Variants in MYO1E observed in about 807,000 individuals in gnomAD.
MYO1E encodes the protein unconventional myosin-Ie.
In MYO1E, 68 loss-of-function variants were observed where a neutral mutation model predicts 151.1. The observed-to-expected ratio is 0.45, with a 90% CI of 0.37 to 0.55. The LOEUF is 0.55. MYO1E is among the 20% of genes least tolerant of loss of function. The pLI is 0.00. For synonymous variants in MYO1E, 601 were observed against 501.7 expected, an observed-to-expected ratio of 1.20 and a Z score of -2.64; for missense variants, 1,363 against 1,389.3, an observed-to-expected ratio of 0.98 and a Z score of 0.30.
At chr15:59,216,666 G>GTGTATATA (rs777094542) in intron 10 of MYO1E, among the ~76,000 whole-genome samples, 2 of 30,884 alleles carry the variant, frequency 6.5e-5, no homozygotes, top group Non-Finnish European at 1.4e-4. Flanking sequence ...GTGTGTATGT[G>GTGTATATA]TATATATATA....
chr15:59,207,197 T>C (rs747153483), intron 14 of MYO1E: 1 of 1,614,224 alleles, frequency 6.2e-7, no homozygotes, highest in South Asian at 1.1e-5. Flanking sequence ...GCCTGCGCTA[T>C]CAGCATCTTA....
intron 22 of MYO1E, among the ~76,000 whole-genome samples, chr15:59,167,857 T>G (rs1338437913): frequency 6.6e-6 from 1 of 152,048 alleles, no homozygotes; most frequent in Non-Finnish European, 1.5e-5. Flanking sequence ...TTTTGTATTT[T>G]TAGTAGAGAG....
chr15:59,279,027 G>T lies in MYO1E; in HGVS notation c.4-6578C>A, dbSNP rs188458896. Among the ~76,000 whole-genome samples, 4 of 152,246 alleles carry T rather than the reference G, an allele frequency of 2.6e-5. No individual in the cohort carries two copies. In the East Asian group the frequency reaches 7.7e-4, roughly 29 times the overall value. ...GGAATACTCAATGAATATGGAGTAT[G>T]TGCTTATTCATAAAGTTTCATCCAT... is the stretch of plus-strand genomic sequence containing the variant. On this transcript the variant is annotated intron_variant, in intron 1 of 27. Coordinates refer to ENST00000288235, the MANE Select transcript of MYO1E (RefSeq NM_004998.4).
rs143607276 is a variant in MYO1E at position 59,253,602 on chromosome 15, C to G, written c.332+2682G>C. On this transcript the variant is annotated intron_variant, in intron 4 of 27. Coordinates refer to ENST00000288235, the MANE Select transcript of MYO1E (RefSeq NM_004998.4). ...GTTCAAGCGATTTCCCTGCCTCAGC[C>G]TCCCAAGTAGCTGGGACTACAGGCA... 8.6e-3 allele frequency among the ~76,000 whole-genome samples: 1,300 copies of G among 151,916 alleles called. 12 individuals carry two copies. Among genetic ancestry groups the G allele is most frequent in the Non-Finnish European group, 0.013 (896 of 67,968 alleles).
At chr15:59,216,207 G>A (rs553331901) in intron 10 of MYO1E, among the ~76,000 whole-genome samples, 3 of 152,024 alleles carry the variant, frequency 2.0e-5, no homozygotes, top group East Asian at 1.9e-4. Context: ...ATATATAAAC[G>A]TCAAAGAAAC....
At position 59,214,316 on chromosome 15, in the gene MYO1E, T is replaced by C; in HGVS notation, c.1189-2A>G. The C allele has an allele frequency of 6.2e-7, 1 of 1,603,384 alleles. No individual in the cohort carries two copies. Among genetic ancestry groups the C allele is most frequent in the Non-Finnish European group, 8.5e-7 (1 of 1,172,876 alleles). ...ACAAAACTGTTCAAAGCCATTTTTCTGGAAAAAAAAAGTTATTCACATGTA... is the reference window on the plus strand; with the variant it reads ...ACAAAACTGTTCAAAGCCATTTTTCCGGAAAAAAAAAGTTATTCACATGTA... On this transcript the variant is annotated splice_acceptor_variant, in intron 11 of 27. Coordinates refer to ENST00000288235, the MANE Select transcript of MYO1E (RefSeq NM_004998.4). LOFTEE classifies it high-confidence loss of function.
intron 5 of MYO1E, among the ~76,000 whole-genome samples, chr15:59,232,146 G>T (rs1489614544): frequency 6.6e-6 from 1 of 152,120 alleles, no homozygotes; most frequent in Admixed American, 6.6e-5. Flanking sequence ...TCTGGCCAGG[G>T]TCTTTCTTCT....
intron 4 of MYO1E, among the ~76,000 whole-genome samples, chr15:59,246,104 T>A (rs1350457768): frequency 6.6e-6 from 1 of 152,150 alleles, no homozygotes; most frequent in Non-Finnish European, 1.5e-5. Flanking sequence ...TTTTTTTAAA[T>A]TTTTTAAATT....
intron 14 of MYO1E, chr15:59,208,109 G>A (rs753272927): frequency 4.5e-5 from 69 of 1,536,916 alleles, no homozygotes; most frequent in Admixed American, 6.7e-5. Flanking sequence ...CTACCATTCC[G>A]AAATTATTGA....
intron 22 of MYO1E, among the ~76,000 whole-genome samples, chr15:59,170,306 C>T (rs1318517981): frequency 2.0e-5 from 3 of 152,206 alleles, no homozygotes; most frequent in Admixed American, 2.0e-4. Context: ...AAGTCACTCT[C>T]GGCACAGCGA....
At position 59,174,580 on chromosome 15, in the gene MYO1E, G is replaced by A. The variant is rs1979552; in HGVS notation, c.2050-340C>T. ...TATTCCCCACCTTGATCCAAAGAGT[G>A]TATTATTAGGAAGTCAGATCAAGTG... On this transcript the variant is annotated intron_variant, in intron 19 of 27. Coordinates refer to ENST00000288235, the MANE Select transcript of MYO1E (RefSeq NM_004998.4). 0.96 allele frequency among the ~76,000 whole-genome samples: 146,712 copies of A among 152,206 alleles called. 70,771 individuals are homozygous for A. The highest frequency in any genetic ancestry group is 0.99 in the South Asian group (4,780 of 4,810).
At chr15:59,258,911 A>C (rs1218805392) in intron 3 of MYO1E, among the ~76,000 whole-genome samples, 2 of 151,300 alleles carry the variant, frequency 1.3e-5, no homozygotes, top group African/African-American at 4.8e-5. Context: ...ATATGTAAGG[A>C]GGCAGCTTTA....
At chr15:59,215,802 G>A (rs1433583925) in intron 10 of MYO1E, among the ~76,000 whole-genome samples, 1 of 152,106 alleles carries the variant, frequency 6.6e-6, no homozygotes, top group Non-Finnish European at 1.5e-5. Flanking sequence ...CAGGTAGAAA[G>A]GTAGGTAGGA....
At chr15:59,151,060 C>T (rs535615645) in intron 26 of MYO1E, among the ~76,000 whole-genome samples, 4,090 of 147,514 alleles carry the variant, frequency 0.028, 127 homozygotes, top group African/African-American at 0.062. Flanking sequence ...CGCGCGCGCG[C>T]GCACGTGCAC....
chr15:59,238,448 T>C (rs547749885), intron 4 of MYO1E, among the ~76,000 whole-genome samples: 1 of 152,298 alleles, frequency 6.6e-6, no homozygotes, highest in African/African-American at 2.4e-5. Context: ...GCAGCCTAAG[T>C]TAAGTGGTAA....
At chr15:59,363,178 C>T (rs1299340241) in intron 1 of MYO1E, among the ~76,000 whole-genome samples, 1 of 152,056 alleles carries the variant, frequency 6.6e-6, no homozygotes, top group Non-Finnish European at 1.5e-5. Flanking sequence ...GGGGTTTCAC[C>T]ATGTTAGCCA....
chr15:59,202,834 C>A (rs748222797), intron 15 of MYO1E, among the ~76,000 whole-genome samples: 8 of 152,110 alleles, frequency 5.3e-5, no homozygotes, highest in Non-Finnish European at 8.8e-5. Flanking sequence ...CTCGACCTCC[C>A]AGACTCAAGC....
intron 1 of MYO1E, among the ~76,000 whole-genome samples, chr15:59,367,322 C>T (rs1203162101): frequency 2.0e-5 from 3 of 151,992 alleles, no homozygotes; most frequent in Non-Finnish European, 4.4e-5. Flanking sequence ...TGCTCATTAT[C>T]TAACCCTCAG....
chr15:59,179,153 C>T (rs1457902898), intron 18 of MYO1E, among the ~76,000 whole-genome samples: 1 of 152,300 alleles, frequency 6.6e-6, no homozygotes. Flanking sequence ...TCTGCCCCTG[C>T]TCTCCCCTCT....
Sources: allele counts gnomAD v4.1 joint callset (sites outside exome capture counted in the v4.1 genomes callset), GRCh38; gene constraint gnomAD v4.1.1; transcripts MANE v1.5; gene names NCBI Gene and HGNC (gene_info 2026-07-23, HGNC 2026-07-21).